The following CRAT variants were observed in gnomAD, a reference collection of about 807,000 sequenced individuals.
CRAT encodes carnitine O-acetyltransferase.
A neutral mutation model predicts 73.7 loss-of-function variants in CRAT; 66 were observed. The observed-to-expected ratio is 0.90, with a 90% CI of 0.73 to 1.10. CRAT has a LOEUF of 1.10. Ranked by LOEUF, CRAT falls within the 50% of genes least tolerant of loss-of-function variation. The pLI, the probability that CRAT is intolerant of heterozygous loss-of-function variation, is 0.00. For synonymous variants in CRAT, 321 were observed against 343.2 expected (o/e 0.94, Z 0.71); for missense variants, 745 against 846.9 (o/e 0.88, Z 1.49).
rs751354831 is a variant in CRAT at position 129,098,591 on chromosome 9, C to A, written c.1145G>T (p.Arg382Leu). The A allele has an allele frequency of 6.3e-7, 1 of 1,599,170 alleles. No individual in the cohort carries two copies. The highest frequency in any genetic ancestry group is 8.5e-7 in the Non-Finnish European group (1 of 1,176,164). The change falls in exon 9 of 14, where the codon CGG becomes CTG. Residue 382 changes from arginine (R) to leucine (L), a missense_variant. Physicochemically the swap from Arg to Leu is moderately radical, Grantham distance 102 (BLOSUM62 -2). Transcript: ENST00000318080. The part of the protein sequence containing the change: ...LVPLPMPKKL[R>L]FNITPEIKSD... ...CTTGATCTCGGGGGTGATGTTGAAC[C>A]GCAGCTTCTTGGGCATGGGCAGGGG...
At chr9:129,098,445 C>T (rs888409744) in intron 9 of CRAT, 74 bp from the exon 10 acceptor site, 40 of 1,595,038 alleles carry the variant, frequency 2.5e-5, no homozygotes, top group Non-Finnish European at 3.2e-5. Context: ...GTCTGGGTGT[C>T]ATGACAGAGC....
intron 12 of CRAT, among the ~76,000 whole-genome samples, chr9:129,096,682 G>A (rs1249968373): frequency 2.0e-5 from 3 of 152,236 alleles, no homozygotes; most frequent in Non-Finnish European, 1.5e-5. Context: ...GCATCAGGGA[G>A]AGAGTGTGAC....
In CRAT at chr9:129,098,296, T is replaced by TA. The variant is rs1337214314; in HGVS notation, c.1280dup (p.Ser428LysfsTer26). Reference sequence around the variant, plus strand: ...CCATCTGGATGAAGGCATCTGGGCTTAGCTTCTCCGACTTGGGGAAGTCTT... The same window carrying TA: ...CCATCTGGATGAAGGCATCTGGGCTTAAGCTTCTCCGACTTGGGGAAGTCTT... On this transcript the variant is annotated frameshift_variant, in exon 10 of 14. Coordinates refer to ENST00000318080, the MANE Select transcript of CRAT (RefSeq NM_000755.5). LOFTEE classifies it high-confidence loss of function. 1.2e-6 allele frequency: 2 copies of TA among 1,614,026 alleles called. No individual in the cohort carries two copies. Among genetic ancestry groups the TA allele is most frequent in the African/African-American group, 1.3e-5 (1 of 75,048 alleles).
intron 1 of CRAT, 60 bp from the exon 2 acceptor site, chr9:129,108,137 A>G: frequency 6.7e-7 from 1 of 1,492,030 alleles, no homozygotes; most frequent in Non-Finnish European, 8.8e-7. Context: ...TGGCAGCCCC[A>G]AAGCTGTAGT....
At position 129,100,687 on chromosome 9, in the gene CRAT, T is replaced by C; in HGVS notation, c.808A>G (p.Lys270Glu). 1 of 1,612,804 alleles carries C rather than the reference T, an allele frequency of 6.2e-7. No homozygotes were observed. The change falls in exon 7 of 14, where the codon AAG (lysine) becomes GAG (glutamate). Residue 270 changes from lysine to glutamate, a missense_variant and splice_region_variant. Coordinates refer to ENST00000318080, the MANE Select transcript of CRAT (RefSeq NM_000755.5). ...AKAYNTLIKD[K>E]VNRDSVRSIQ... ...GAGCGCACGGAATCCCGGTTCACCT[T>C]GTCTGCAGGTGGCATGGGGCGGGGA... is the stretch of plus-strand genomic sequence containing the variant.
chr9:129,095,350 C>T lies in CRAT; in HGVS notation c.*47G>A. On this transcript the variant is annotated 3_prime_UTR_variant, in exon 14 of 14. Coordinates refer to ENST00000318080, the MANE Select transcript of CRAT (RefSeq NM_000755.5). The stretch of plus-strand genomic sequence containing the variant: ...GCTGAGCCCTGGTGGGTGGCCCATC[C>T]CAGGGTGGGCTTGGCTGTGGCATTG... 1 of 1,592,940 alleles carries T rather than the reference C, an allele frequency of 6.3e-7. No homozygotes were observed. The highest frequency in any genetic ancestry group is 8.5e-7 in the Non-Finnish European group (1 of 1,171,896).
chr9:129,106,255 G>A lies in CRAT; in HGVS notation c.291+1559C>T, dbSNP rs543954223. 6.6e-6 allele frequency among the ~76,000 whole-genome samples: 1 copy of A among 152,276 alleles called. No homozygotes were observed. Among genetic ancestry groups the A allele is most frequent in the East Asian group, 1.9e-4 (1 of 5,180 alleles). On this transcript the variant is annotated intron_variant, in intron 2 of 13. Transcript: ENST00000318080. The surrounding 1 kb of genome is among the most constrained non-coding windows in gnomAD (Gnocchi z 4.0). ...AGTCAGACCTTCCTGTGTGGCCGAG[G>A]GCTTCCTTGAGAGCTGCTGTGTGGC...
At chr9:129,097,728 A>C in intron 11 of CRAT, 1 of 437,532 alleles carries the variant, frequency 2.3e-6, no homozygotes, top group South Asian at 3.9e-5. Context: ...AAGAAAAAAA[A>C]AGAGCGAGTA....
chr9:129,104,728 CTGAG>C (rs776942323), intron 2 of CRAT, among the ~76,000 whole-genome samples: 11 of 151,206 alleles, frequency 7.3e-5, no homozygotes, highest in African/African-American at 1.2e-4. Context: ...CCTCAGCCTC[CTGAG>C]TAAGTGGGAC....
In CRAT at chr9:129,098,311, G is replaced by A; in HGVS notation, c.1266C>T (p.Pro422=). The change falls in exon 10 of 14, where the codon CCC becomes CCT. Residue 422 remains proline (P), a synonymous_variant. Coordinates refer to ENST00000318080, the MANE Select transcript of CRAT (RefSeq NM_000755.5). ...MVFHHFGKDF[P]KSEKLSPDAF... is the part of the protein sequence containing the mutation. ...CATCTGGGCTTAGCTTCTCCGACTT[G>A]GGGAAGTCTTTTCCAAAATGGTGGA... The A allele has an allele frequency of 6.2e-7, 1 of 1,614,016 alleles. No individual in the cohort carries two copies. Among genetic ancestry groups the A allele is most frequent in the South Asian group, 1.1e-5 (1 of 91,088 alleles).
chr9:129,097,116 G>A (rs1847325705), intron 12 of CRAT, 134 bp downstream of exon 12: 6 of 674,500 alleles, frequency 8.9e-6, no homozygotes, highest in Non-Finnish European at 1.4e-5. Flanking sequence ...CTGGCTCCAG[G>A]TGCTCCCAGG....
rs763735366 is a variant in CRAT at position 129,098,130 on chromosome 9, A to G, written c.1347T>C (p.Cys449=). The change falls in exon 11 of 14, where the codon TGT becomes TGC. Residue 449 remains cysteine, a synonymous_variant. Transcript: ENST00000318080. The part of the protein sequence containing the change: ...LAYYRIYGQA[C]ATYESASLRM... ...GCAGGGAGGCACTTTCATAGGTGGC[A>G]CATGCCTGTCCGTAGATCCTGGTGG... The G allele has an allele frequency of 7.5e-5, 121 of 1,613,774 alleles. No homozygotes were observed. Among genetic ancestry groups the G allele is most frequent in the Non-Finnish European group, 9.5e-5 (112 of 1,180,048 alleles).
chr9:129,096,285 TCA>T, intron 12 of CRAT, 150 bp from the exon 13 acceptor site: 3 of 1,032,556 alleles, frequency 2.9e-6, no homozygotes, highest in Non-Finnish European at 4.2e-6. Flanking sequence ...AGCCTTCGTT[TCA>T]CAGATGGGGA....
At chr9:129,100,449 C>T (rs2131456964) in intron 7 of CRAT, 62 bp downstream of exon 7, 1 of 1,528,080 alleles carries the variant, frequency 6.5e-7, no homozygotes, top group South Asian at 1.2e-5. Context: ...GGCAGGAAGT[C>T]CCGAGGCTGC....
rs1183330395 is a variant in CRAT, at chr9:129,110,456, C to T, written c.27+27G>A. On this transcript the variant is annotated intron_variant, in intron 1 of 13. Transcript: ENST00000318080. This position sits in a 1 kb window ranked among gnomAD's most constrained non-coding sequence, Gnocchi z 5.3. ...CGGCCCGCCCAGGCCGTCCAGGGCC[C>T]TCAGGCCCGGGATCCGCCGCACTCA... 6.4e-7 allele frequency: 1 copy of T among 1,565,374 alleles called. No homozygotes were observed. The highest frequency in any genetic ancestry group is 1.2e-5 in the South Asian group (1 of 86,050).
Position 129,102,385 on chromosome 9 carries a change from G to T in CRAT, c.630+15C>A. Reference sequence around the variant, plus strand: ...GCAGGGCCGGGGCTTGTAGGTGTGGGTGGGGGCCACCCACCTGGTAGTTGT... The same window carrying T: ...GCAGGGCCGGGGCTTGTAGGTGTGGTTGGGGGCCACCCACCTGGTAGTTGT... On this transcript the variant is annotated intron_variant, in intron 5 of 13. Coordinates refer to ENST00000318080, the MANE Select transcript of CRAT (RefSeq NM_000755.5). 1 of 1,614,026 alleles carries T rather than the reference G, an allele frequency of 6.2e-7. No individual in the cohort carries two copies. Among genetic ancestry groups the T allele is most frequent in the Non-Finnish European group, 8.5e-7 (1 of 1,179,922 alleles).
rs765377737 is a variant in CRAT, at chr9:129,102,540, C to G, written c.490G>C (p.Gly164Arg). The change falls in exon 5 of 14, where the codon GGG becomes CGG. Residue 164 changes from glycine (G) to arginine (R), a missense_variant. Gly to Arg is a moderately radical substitution (Grantham distance 125). Transcript: ENST00000318080. ...TGGTTCATGCACAGTGGCTTCCCCC[C>G]CAGGTACTCCACGGGCAGGGTCTCG... ...DNETLPVEYL[G>R]GKPLCMNQYY... 8.7e-6 allele frequency: 14 copies of G among 1,614,096 alleles called. No homozygotes were observed. Among genetic ancestry groups the G allele is most frequent in the East Asian group, 2.2e-5 (1 of 44,880 alleles).
intron 6 of CRAT, among the ~76,000 whole-genome samples, chr9:129,101,210 C>T (rs1847651460): frequency 6.6e-6 from 1 of 152,238 alleles, no homozygotes; most frequent in Non-Finnish European, 1.5e-5. Flanking sequence ...ACATTGCCTG[C>T]TCCACGTTGA....
chr9:129,102,577 A>T lies in CRAT; in HGVS notation c.465-12T>A, dbSNP rs770863757. On this transcript the variant is annotated splice_polypyrimidine_tract_variant and intron_variant, in intron 4 of 13. Transcript: ENST00000318080. ...CGGGCAGGGTCTCGCTATGGGGTAG[A>T]GGGGCAGTGAGGCCACCACTGGGCA... 1.2e-6 allele frequency: 2 copies of T among 1,613,094 alleles called. No homozygotes were observed. The highest frequency in any genetic ancestry group is 8.5e-7 in the Non-Finnish European group (1 of 1,179,470).
Sources: gnomAD v4.1 joint callset for allele counts (sites outside exome capture counted in the v4.1 genomes callset) on GRCh38, gnomAD v4.1.1 for gene constraint, Gnocchi (gnomAD v3.1) non-coding constraint, MANE v1.5 for transcripts, NCBI Gene and HGNC (gene_info 2026-07-23, HGNC 2026-07-21) for gene names.